MEI1: variants seen among roughly 807,000 people sequenced by gnomAD.
MEI1 encodes meiotic double-stranded break formation protein 1.
MEI1 carries 103 observed loss-of-function variants against 146.2 expected under a neutral mutation model. The observed-to-expected ratio is 0.70, with a 90% CI of 0.60 to 0.83. MEI1 has a LOEUF of 0.83. MEI1 is among the 40% of genes least tolerant of loss of function. The probability of loss-of-function intolerance (pLI) is 0.00; values close to 1 mark genes in which losing one functional copy is unlikely to be tolerated. For missense variants in MEI1, 1,529 were observed against 1,533.0 expected, an observed-to-expected ratio of 1.00 and a Z score of 0.04; for synonymous variants, 652 against 628.2, an observed-to-expected ratio of 1.04 and a Z score of -0.57.
At chr22:41,712,809 G>GTTTTT (rs1394700744) in intron 3 of MEI1, among the ~76,000 whole-genome samples, 5 of 127,372 alleles carry the variant, frequency 3.9e-5, no homozygotes, top group African/African-American at 5.8e-5. Flanking sequence ...TTGTTTGTTT[G>GTTTTT]TTTTTTTTTT....
At chr22:41,747,049 TATAATA>T (rs3045435) in intron 14 of MEI1, among the ~76,000 whole-genome samples, 1 of 149,354 alleles carries the variant, frequency 6.7e-6, no homozygotes, top group Non-Finnish European at 1.5e-5. Context: ...ATATTACTTT[TATAATA>T]ATAATAATAA....
At chr22:41,719,031 G>A (rs545221266) in intron 6 of MEI1, among the ~76,000 whole-genome samples, 4 of 144,448 alleles carry the variant, frequency 2.8e-5, no homozygotes, top group East Asian at 2.0e-4. Flanking sequence ...TGCCCAGGCC[G>A]GACTGCAGTG....
chr22:41,758,577 T>C (rs765455657), intron 18 of MEI1, 44 bp downstream of exon 18: 26 of 1,569,116 alleles, frequency 1.7e-5, no homozygotes, highest in Non-Finnish European at 2.3e-5. Flanking sequence ...TCTTGGGACC[T>C]TCATCAGCAG....
chr22:41,778,051 T>C (rs1415205824), intron 21 of MEI1, among the ~76,000 whole-genome samples: 1 of 149,178 alleles, frequency 6.7e-6, no homozygotes, highest in African/African-American at 2.5e-5. Flanking sequence ...TCCTCCTCCT[T>C]CTCCCCTGCC....
In MEI1 at chr22:41,729,808, C is replaced by T. The variant is rs1398358463; in HGVS notation, c.979+29C>T. The T allele has an allele frequency of 8.2e-6, 12 of 1,461,626 alleles. No homozygotes were observed. In the Middle Eastern group the frequency reaches 1.4e-3, roughly 173 times the overall value. The allele number at this position is 1,461,626 out of a possible 1,614,324, so 90.5% of individuals were successfully genotyped here. A position where few individuals can be genotyped will look rare whatever the true frequency, so the allele number is the denominator to read the frequency against. ...GGGGAACACTTCTAACCTTCTCCTCCCTATACTAGAAGGATGGGGTGGTGA... is the reference window on the plus strand; with the variant it reads ...GGGGAACACTTCTAACCTTCTCCTCTCTATACTAGAAGGATGGGGTGGTGA... On this transcript the variant is annotated intron_variant, in intron 8 of 30. Coordinates refer to ENST00000401548, the MANE Select transcript of MEI1 (RefSeq NM_152513.4).
intron 11 of MEI1, 26 bp downstream of exon 11, chr22:41,732,629 TTCC>T: frequency 6.2e-7 from 1 of 1,607,874 alleles, no homozygotes; most frequent in Non-Finnish European, 8.5e-7. Context: ...AGGCTGAACT[TTCC>T]ATCCCTGCAT....
At chr22:41,739,486 A>G (rs2072676958) in intron 11 of MEI1, among the ~76,000 whole-genome samples, 1 of 151,246 alleles carries the variant, frequency 6.6e-6, no homozygotes, top group South Asian at 2.1e-4. Flanking sequence ...GAAAGTTGTT[A>G]ATATTTATAG....
chr22:41,703,265 C>G (rs1220966714), intron 1 of MEI1, 66 bp from the exon 2 acceptor site: 1 of 1,539,268 alleles, frequency 6.5e-7, no homozygotes, highest in Admixed American at 1.9e-5. Context: ...TTGGAAATTA[C>G]GGTTGTTGGA....
chr22:41,791,791 A>G (rs991397569), intron 26 of MEI1, among the ~76,000 whole-genome samples: 4 of 152,386 alleles, frequency 2.6e-5, no homozygotes, highest in East Asian at 3.9e-4. Context: ...TATCCATACA[A>G]TGAAATACTA....
intron 11 of MEI1, among the ~76,000 whole-genome samples, chr22:41,740,729 C>G (rs1416226197): frequency 2.1e-5 from 3 of 139,956 alleles, no homozygotes; most frequent in Non-Finnish European, 4.4e-5. Context: ...GACCCTGTCT[C>G]AAAAACAAAA....
intron 19 of MEI1, among the ~76,000 whole-genome samples, chr22:41,765,835 G>A (rs1246478090): frequency 6.9e-6 from 1 of 145,378 alleles, no homozygotes; most frequent in Non-Finnish European, 1.5e-5. Context: ...ATATAATATT[G>A]TGTAATCCTT....
At position 41,784,720 on chromosome 22, in the gene MEI1, A is replaced by G; in HGVS notation, c.3282A>G (p.Leu1094=). Residue 1094 remains leucine, a synonymous_variant, in exon 26 of 31, where the codon CTA becomes CTG. Coordinates refer to ENST00000401548, the MANE Select transcript of MEI1 (RefSeq NM_152513.4). ...QPLPATKDTV[L]APLRMSQVRS... is the part of the protein sequence containing the mutation. ...TGCCAGCCACCAAGGACACTGTCCT[A>G]GCTCCACTGCGAATGTCGCAAGTCC... 1.2e-6 allele frequency: 2 copies of G among 1,613,520 alleles called. No individual in the cohort carries two copies. Among genetic ancestry groups the G allele is most frequent in the Non-Finnish European group, 1.7e-6 (2 of 1,179,740 alleles).
intron 6 of MEI1, 139 bp from the exon 7 acceptor site, chr22:41,723,804 G>T (rs898509336): frequency 3.1e-5 from 35 of 1,111,130 alleles, no homozygotes; most frequent in Non-Finnish European, 4.0e-5. Flanking sequence ...AAAGCAAATT[G>T]GTGCTTAAGG....
chr22:41,774,821 G>T (rs2075359784), intron 20 of MEI1, among the ~76,000 whole-genome samples: 1 of 152,204 alleles, frequency 6.6e-6, no homozygotes, highest in Non-Finnish European at 1.5e-5. Flanking sequence ...TAGGCCCTGA[G>T]TGGTTGTTAT....
intron 26 of MEI1, among the ~76,000 whole-genome samples, chr22:41,791,155 G>A (rs906758870): frequency 2.0e-5 from 3 of 152,146 alleles, no homozygotes; most frequent in Non-Finnish European, 4.4e-5. Context: ...ATCACTGTGC[G>A]AACTGTGGAA....
Position 41,793,978 on chromosome 22 carries a change from TC to T in MEI1, c.3427+70del, listed in dbSNP as rs1335157630. On this transcript the variant is annotated intron_variant, in intron 27 of 30. Coordinates refer to ENST00000401548, the MANE Select transcript of MEI1 (RefSeq NM_152513.4). ...TAGAGGGAGCAACACCCTTCCACCCTCCTGCTCCAGCCTTCCATTCCCTTGT... is the reference window on the plus strand; with the variant it reads ...TAGAGGGAGCAACACCCTTCCACCCTCTGCTCCAGCCTTCCATTCCCTTGT... The T allele has an allele frequency of 2.9e-6, 4 of 1,396,256 alleles. No individual in the cohort carries two copies. In the South Asian group the frequency reaches 4.9e-5, roughly 17 times the overall value. The allele number at this position is 1,396,256 out of a possible 1,614,324, so 86.5% of individuals were successfully genotyped here.
At chr22:41,739,819 A>C (rs1287316927) in intron 11 of MEI1, among the ~76,000 whole-genome samples, 1 of 152,122 alleles carries the variant, frequency 6.6e-6, no homozygotes, top group Non-Finnish European at 1.5e-5. Context: ...TGTACTATGA[A>C]GGGTGAGAGT....
intron 30 of MEI1, among the ~76,000 whole-genome samples, chr22:41,796,537 GT>G (rs2076364542): frequency 6.6e-6 from 1 of 152,054 alleles, no homozygotes; most frequent in Admixed American, 6.6e-5. Context: ...GAGTGTTAAG[GT>G]ACTTGTAGTA....
chr22:41,781,794 C>G lies in MEI1; in HGVS notation c.3036C>G (p.Ala1012=). 1.2e-6 allele frequency: 2 copies of G among 1,613,986 alleles called. No homozygotes were observed. Among genetic ancestry groups the G allele is most frequent in the Non-Finnish European group, 1.7e-6 (2 of 1,179,898 alleles). Residue 1012 remains alanine, a synonymous_variant, in exon 24 of 31, where the codon GCC becomes GCG. Coordinates refer to ENST00000401548, the MANE Select transcript of MEI1 (RefSeq NM_152513.4). The part of the protein sequence containing the change: ...DSPRTALLCS[A]WLLTASFSAQ... ...CCAGGACTGCACTCCTCTGCTCTGC[C>G]TGGCTGCTCACTGCCTCCTTCTCTG... is the stretch of plus-strand genomic sequence containing the variant.
Sources: gnomAD v4.1 joint callset for allele counts (sites outside exome capture counted in the v4.1 genomes callset) on GRCh38, gnomAD v4.1.1 for gene constraint, MANE v1.5 for transcripts, NCBI Gene and HGNC (gene_info 2026-07-23, HGNC 2026-07-21) for gene names.